SEMA5A: variants seen among roughly 807,000 people sequenced by gnomAD.
The protein encoded by SEMA5A is semaphorin 5A.
SEMA5A carries 55 observed loss-of-function variants against 135.5 expected under a neutral mutation model. The ratio of observed to expected loss-of-function variants is 0.41; its 90% CI spans 0.33 to 0.51. The LOEUF is 0.51. Among genes scored for constraint, SEMA5A ranks in the 20% least tolerant of loss-of-function variants. The pLI is 0.37. For synonymous variants in SEMA5A, 580 were observed against 546.5 expected (o/e 1.06, Z -0.85); for missense variants, 1,290 against 1,419.9 (o/e 0.91, Z 1.47).
chr5:9,371,440 G>A (rs974641245), intron 3 of SEMA5A, among the ~76,000 whole-genome samples: 1 of 152,096 alleles, frequency 6.6e-6, no homozygotes, highest in Non-Finnish European at 1.5e-5. Context: ...GTTACATGCT[G>A]CATTTTCTCC....
chr5:9,331,347 A>T (rs1250896052), intron 4 of SEMA5A, among the ~76,000 whole-genome samples: 1 of 152,214 alleles, frequency 6.6e-6, no homozygotes. Context: ...GAAGAAACTC[A>T]TTAAATAGAA....
At chr5:9,435,257 A>G (rs536148079) in intron 2 of SEMA5A, among the ~76,000 whole-genome samples, 1 of 152,338 alleles carries the variant, frequency 6.6e-6, no homozygotes, top group East Asian at 1.9e-4. Context: ...CAGTATGTAT[A>G]AGGGTGCAAA....
At chr5:9,283,985 G>C (rs1340192426) in intron 5 of SEMA5A, among the ~76,000 whole-genome samples, 1 of 151,554 alleles carries the variant, frequency 6.6e-6, no homozygotes, top group East Asian at 1.9e-4. Flanking sequence ...CTAAAAAATA[G>C]ATAGATAGAT....
At chr5:9,366,340 A>G (rs1754912160) in intron 3 of SEMA5A, among the ~76,000 whole-genome samples, 1 of 152,210 alleles carries the variant, frequency 6.6e-6, no homozygotes, top group South Asian at 2.1e-4. Flanking sequence ...TGCCAGTGTC[A>G]ATAATGTCAA....
At chr5:9,343,046 T>C (rs1753718723) in intron 3 of SEMA5A, among the ~76,000 whole-genome samples, 1 of 152,212 alleles carries the variant, frequency 6.6e-6, no homozygotes, top group Non-Finnish European at 1.5e-5. Context: ...GCAAAATCAC[T>C]ACGCACTCAG....
intron 3 of SEMA5A, among the ~76,000 whole-genome samples, chr5:9,346,898 G>A (rs1250809453): frequency 7.4e-6 from 1 of 135,772 alleles, no homozygotes; most frequent in Non-Finnish European, 1.6e-5. Flanking sequence ...ATATATGTGT[G>A]TGTGTGTGTG....
intron 5 of SEMA5A, 119 bp from the exon 6 acceptor site, chr5:9,238,009 A>G: frequency 1.3e-6 from 1 of 774,772 alleles, no homozygotes; most frequent in Non-Finnish European, 2.2e-6. Flanking sequence ...CCTGGCACCA[A>G]CATTTTCATA....
At chr5:9,071,898 G>A (rs1737788504) in intron 16 of SEMA5A, among the ~76,000 whole-genome samples, 1 of 152,208 alleles carries the variant, frequency 6.6e-6, no homozygotes. Flanking sequence ...ATTGAATTGT[G>A]CTTGCAAAGA....
In SEMA5A at chr5:9,044,170, G is replaced by C. The variant is rs554896933; in HGVS notation, c.3105+203C>G. The stretch of plus-strand genomic sequence containing the variant: ...GAGAATAGAGGCCACATGGCTAAGA[G>C]ACAAGTATGGACATTGTGGCTCCTG... On this transcript the variant is annotated intron_variant, in intron 22 of 22. Coordinates refer to ENST00000382496, the MANE Select transcript of SEMA5A (RefSeq NM_003966.3). Among the ~76,000 whole-genome samples, 6 of 152,312 alleles carry C rather than the reference G, an allele frequency of 3.9e-5. No individual in the cohort carries two copies. In the East Asian group the frequency reaches 7.7e-4, roughly 20 times the overall value.
intron 1 of SEMA5A, among the ~76,000 whole-genome samples, chr5:9,451,452 C>T (rs1401800903): frequency 6.6e-6 from 1 of 152,194 alleles, no homozygotes; most frequent in East Asian, 1.9e-4. Context: ...AGGGGCATAG[C>T]TATCCATTAT....
At chr5:9,374,777 A>G (rs1190681316) in intron 3 of SEMA5A, among the ~76,000 whole-genome samples, 2 of 150,190 alleles carry the variant, frequency 1.3e-5, no homozygotes, top group South Asian at 2.1e-4. Context: ...ATCTTCAGGA[A>G]CTCCTTCCTC....
At chr5:9,435,766 T>A (rs1460037171) in intron 2 of SEMA5A, among the ~76,000 whole-genome samples, 1 of 152,232 alleles carries the variant, frequency 6.6e-6, no homozygotes, top group Non-Finnish European at 1.5e-5. Context: ...CTATGACTGC[T>A]TTCATACTAC....
intron 5 of SEMA5A, among the ~76,000 whole-genome samples, chr5:9,308,492 T>C (rs2150635422): frequency 6.6e-6 from 1 of 152,274 alleles, no homozygotes; most frequent in South Asian, 2.1e-4. Flanking sequence ...CTTTCTTTGC[T>C]ATGTCACACA....
chr5:9,449,196 A>G (rs1392665082), intron 1 of SEMA5A, among the ~76,000 whole-genome samples: 1 of 152,246 alleles, frequency 6.6e-6, no homozygotes, highest in Non-Finnish European at 1.5e-5. Flanking sequence ...GACTAGATAA[A>G]GAAAATGTGG....
intron 21 of SEMA5A, among the ~76,000 whole-genome samples, chr5:9,046,907 C>G (rs537180445): frequency 2.6e-5 from 4 of 152,190 alleles, no homozygotes; most frequent in Admixed American, 1.3e-4. Flanking sequence ...GTCCTGATCA[C>G]TCACTCACTC....
chr5:9,272,768 G>A (rs1750049775), intron 5 of SEMA5A, among the ~76,000 whole-genome samples: 2 of 152,262 alleles, frequency 1.3e-5, no homozygotes, highest in East Asian at 1.9e-4. Flanking sequence ...TGCAGAAGAG[G>A]GGCCTGAATG....
chr5:9,512,972 G>A (rs543229623), intron 1 of SEMA5A, among the ~76,000 whole-genome samples: 4 of 151,506 alleles, frequency 2.6e-5, no homozygotes, highest in South Asian at 2.1e-4. Context: ...AGCAAGGAAC[G>A]CATTAATGAA....
intron 1 of SEMA5A, among the ~76,000 whole-genome samples, chr5:9,455,679 G>T (rs1758808204): frequency 6.6e-6 from 1 of 152,218 alleles, no homozygotes; most frequent in East Asian, 1.9e-4. Flanking sequence ...GAAATTGTGA[G>T]AATTATTTAA....
intron 1 of SEMA5A, among the ~76,000 whole-genome samples, chr5:9,537,779 A>G (rs1279604261): frequency 6.6e-6 from 1 of 152,198 alleles, no homozygotes; most frequent in Admixed American, 6.5e-5. Flanking sequence ...GAAATACTGA[A>G]GAAATTAGGC....
Sources: allele counts gnomAD v4.1 joint callset (sites outside exome capture counted in the v4.1 genomes callset), GRCh38; gene constraint gnomAD v4.1.1; transcripts MANE v1.5; gene names NCBI Gene and HGNC (gene_info 2026-07-23, HGNC 2026-07-21).